Variants in MARCHF10 observed in about 807,000 individuals in gnomAD.
MARCHF10 encodes membrane associated ring-CH-type finger 10, also known as probable E3 ubiquitin-protein ligase MARCHF10.
Under a neutral mutation model 76.2 loss-of-function variants are expected in MARCHF10, and 64 were observed. That is an observed-to-expected ratio of 0.84 (90% CI 0.69 to 1.03). MARCHF10 has a LOEUF of 1.03. Ranked by LOEUF, MARCHF10 falls within the 50% of genes least tolerant of loss-of-function variation. MARCHF10 has a pLI of 0.00. For synonymous variants in MARCHF10, 340 were observed against 357.5 expected (o/e 0.95, Z 0.55); for missense variants, 875 against 958.0 (o/e 0.91, Z 1.14).
At chr17:62,734,958 T>G (rs923775682) in intron 6 of MARCHF10, among the ~76,000 whole-genome samples, 5 of 152,206 alleles carry the variant, frequency 3.3e-5, no homozygotes, top group African/African-American at 1.2e-4. Context: ...GTGTAAGGTC[T>G]CTTGCCCCTT....
At chr17:62,774,979 C>T (rs2092520672) in intron 3 of MARCHF10, among the ~76,000 whole-genome samples, 2 of 151,776 alleles carry the variant, frequency 1.3e-5, no homozygotes, top group East Asian at 2.0e-4. Flanking sequence ...ACTTGAACCT[C>T]GGAGGCGGAG....
intron 6 of MARCHF10, 26 bp downstream of exon 6, chr17:62,735,905 A>T (rs370742740): frequency 1.9e-6 from 3 of 1,574,018 alleles, no homozygotes; most frequent in Admixed American, 2.1e-5. Context: ...AAGTGGAAAA[A>T]ATATATAATT....
chr17:62,748,051 T>G (rs1294278777), intron 4 of MARCHF10, among the ~76,000 whole-genome samples: 1 of 152,190 alleles, frequency 6.6e-6, no homozygotes, highest in Non-Finnish European at 1.5e-5. Context: ...TGTCTGTAAG[T>G]GCAGTCACAA....
chr17:62,735,140 G>A (rs1356724682), intron 6 of MARCHF10: 2 of 152,308 alleles, frequency 1.3e-5, no homozygotes, highest in South Asian at 2.1e-4. Context: ...GCCCACATGA[G>A]TCATGCTAAT....
intron 3 of MARCHF10, among the ~76,000 whole-genome samples, chr17:62,776,111 A>G (rs972024468): frequency 3.9e-5 from 6 of 152,216 alleles, no homozygotes; most frequent in African/African-American, 1.4e-4. Flanking sequence ...ATGGTTTTTA[A>G]TAAGTACTGT....
At chr17:62,753,094 TTCTCTC>T (rs140348805) in intron 4 of MARCHF10, among the ~76,000 whole-genome samples, 3 of 150,450 alleles carry the variant, frequency 2.0e-5, no homozygotes, top group Admixed American at 6.6e-5. Flanking sequence ...AAACCAGAGC[TTCTCTC>T]TCTCTCTCTC....
chr17:62,805,369 A>G (rs1276124201), intron 1 of MARCHF10, among the ~76,000 whole-genome samples: 1 of 152,170 alleles, frequency 6.6e-6, no homozygotes, highest in Non-Finnish European at 1.5e-5. Flanking sequence ...GCCTGTCTGA[A>G]TCTTATTCAG....
rs1383099451 is a variant in MARCHF10, at chr17:62,705,551, C to T, written c.2359G>A (p.Glu787Lys). 5.6e-6 allele frequency: 9 copies of T among 1,614,082 alleles called. No individual in the cohort carries two copies. The highest frequency in any genetic ancestry group is 1.3e-5 in the African/African-American group (1 of 74,934). ...LSRNYPQPRT[E>K]ENENSELGDG... ...CCCCAAAACCTACTTTCATTTTCCT[C>T]TGTTCTGGGTTGTGGGTAATTTCTT... is the stretch of plus-strand genomic sequence containing the variant. The change falls in exon 10 of 11, where the codon GAG (glutamate) becomes AAG (lysine). Residue 787 changes from glutamate to lysine, a missense_variant. Coordinates refer to ENST00000311269, the MANE Select transcript of MARCHF10 (RefSeq NM_152598.4).
At chr17:62,805,844 G>A (rs911764827) in intron 1 of MARCHF10, among the ~76,000 whole-genome samples, 7 of 151,814 alleles carry the variant, frequency 4.6e-5, no homozygotes, top group African/African-American at 1.7e-4. Flanking sequence ...CCTGGAAGGC[G>A]GAGGTTGCAG....
At chr17:62,754,051 T>G (rs1438876497) in intron 4 of MARCHF10, among the ~76,000 whole-genome samples, 1 of 152,126 alleles carries the variant, frequency 6.6e-6, no homozygotes, top group African/African-American at 2.4e-5. Flanking sequence ...TTAAAATTTT[T>G]AATAATCAAA....
chr17:62,793,196 TCACCACCACCAC>T (rs369090555), intron 2 of MARCHF10, among the ~76,000 whole-genome samples: 4 of 50,082 alleles, frequency 8.0e-5, no homozygotes, highest in African/African-American at 2.9e-4. Flanking sequence ...ACCACCTCCA[TCACCACCACCAC>T]CACCACCACC....
intron 2 of MARCHF10, among the ~76,000 whole-genome samples, chr17:62,799,844 C>G (rs1008177129): frequency 2.0e-5 from 3 of 152,154 alleles, no homozygotes; most frequent in Non-Finnish European, 4.4e-5. Context: ...TGTGTTCCAG[C>G]CCCTCTGGCT....
chr17:62,714,431 T>A (rs2090087191), intron 8 of MARCHF10: 1 of 985,046 alleles, frequency 1.0e-6, no homozygotes, highest in South Asian at 4.7e-5. Flanking sequence ...CACCAACACA[T>A]CCTACAAGAG....
At chr17:62,768,513 C>G (rs56177501) in intron 3 of MARCHF10, among the ~76,000 whole-genome samples, 40,244 of 152,058 alleles carry the variant, frequency 0.26, 5,783 homozygotes, top group Non-Finnish European at 0.32. Flanking sequence ...GGGCAAAATT[C>G]CGTCTCAAAA....
chr17:62,714,597 A>G lies in MARCHF10; in HGVS notation c.2215-3253T>C, dbSNP rs746763900. ...TATAAATATATGCACAGATGAAGCA[A>G]TGAGAAAAAAATGCATAATTGTGAT... is the stretch of plus-strand genomic sequence containing the variant. On this transcript the variant is annotated intron_variant, in intron 8 of 10. Coordinates refer to ENST00000311269, the MANE Select transcript of MARCHF10 (RefSeq NM_152598.4). 1.9e-4 allele frequency among the ~76,000 whole-genome samples: 29 copies of G among 152,308 alleles called. 1 individual carries two copies. The highest frequency in any genetic ancestry group is 8.8e-5 in the Non-Finnish European group (6 of 68,036).
At chr17:62,762,451 T>C (rs2147963137) in intron 3 of MARCHF10, among the ~76,000 whole-genome samples, 1 of 152,332 alleles carries the variant, frequency 6.6e-6, no homozygotes, top group African/African-American at 2.4e-5. Context: ...ATGGACTTTT[T>C]TCCTGCTTGC....
At chr17:62,728,656 A>G (rs2090875424) in intron 6 of MARCHF10, among the ~76,000 whole-genome samples, 1 of 152,334 alleles carries the variant, frequency 6.6e-6, no homozygotes, top group South Asian at 2.1e-4. Context: ...AGCAAGAGAT[A>G]AGGAGGATTT....
chr17:62,757,798 A>AT (rs2092089869), intron 4 of MARCHF10, among the ~76,000 whole-genome samples: 1 of 152,190 alleles, frequency 6.6e-6, no homozygotes, highest in Non-Finnish European at 1.5e-5. Flanking sequence ...GATGAAATAG[A>AT]TATCTTTCTG....
At chr17:62,733,582 C>T (rs2091128531) in intron 6 of MARCHF10, among the ~76,000 whole-genome samples, 1 of 152,052 alleles carries the variant, frequency 6.6e-6, no homozygotes, top group African/African-American at 2.4e-5. Context: ...CCAGCTCTTC[C>T]ACTCCTAGAC....
Sources: allele counts gnomAD v4.1 joint callset (sites outside exome capture counted in the v4.1 genomes callset), GRCh38; gene constraint gnomAD v4.1.1; transcripts MANE v1.5; gene names NCBI Gene and HGNC (gene_info 2026-07-23, HGNC 2026-07-21).